The following NR1I3 variants were observed in gnomAD, a reference collection of about 807,000 sequenced individuals.
NR1I3 encodes the protein nuclear receptor subfamily 1 group I member 3.
In NR1I3, 30 loss-of-function variants were observed where a neutral mutation model predicts 38.4. The observed-to-expected ratio is 0.78, with a 90% CI of 0.58 to 1.06. NR1I3 has a LOEUF of 1.06. Among genes scored for constraint, NR1I3 ranks in the 50% least tolerant of loss-of-function variants. NR1I3 has a pLI of 0.00. For missense variants in NR1I3, 388 were observed against 435.7 expected (o/e 0.89, Z 0.97); for synonymous variants, 143 against 165.1 (o/e 0.87, Z 1.03).
intron 3 of NR1I3, 97 bp from the exon 4 acceptor site, chr1:161,233,435 A>G (rs963710011): frequency 2.1e-5 from 28 of 1,322,802 alleles, no homozygotes; most frequent in Non-Finnish European, 2.9e-5. Context: ...GCCCTGCACA[A>G]CGAAGGATGG....
chr1:161,235,260 T>TTTC (rs1668351987), intron 3 of NR1I3: 1 of 15,692 alleles, frequency 6.4e-5, no homozygotes, highest in Non-Finnish European at 1.1e-4. Flanking sequence ...CTTGGTGTTT[T>TTTC]TTTTTTTTTT....
chr1:161,236,726 G>GATTTCT, intron 1 of NR1I3, 128 bp from the exon 2 acceptor site: 1 of 588,916 alleles, frequency 1.7e-6, no homozygotes, highest in Non-Finnish European at 2.8e-6. Context: ...ATCTTTTGTG[G>GATTTCT]TTTTCTTTTT....
At chr1:161,236,643 C>T in intron 1 of NR1I3, 45 bp from the exon 2 acceptor site, 1 of 1,589,710 alleles carries the variant, frequency 6.3e-7, no homozygotes. Flanking sequence ...CCACCCTTGA[C>T]CCTTTTCTGT....
chr1:161,236,440 T>A lies in NR1I3; in HGVS notation c.107+19A>T. 6.2e-7 allele frequency: 1 copy of A among 1,613,802 alleles called. No individual in the cohort carries two copies. The highest frequency in any genetic ancestry group is 8.5e-7 in the Non-Finnish European group (1 of 1,179,846). On this transcript the variant is annotated intron_variant, in intron 2 of 8. Transcript: ENST00000367983. ...AGTTTGGTTTGGAGGGCTATTTCCA[T>A]TGGGGAGGAGACTCTCACCTGAAGA...
At position 161,233,837 on chromosome 1, in the gene NR1I3, A is replaced by ATGTG. The variant is rs761756944; in HGVS notation, c.239-503_239-500dup. The stretch of plus-strand genomic sequence containing the variant: ...CAGGGCTGGTATTCATCATATATAT[A>ATGTG]TGTGTGTGTGTGTGTGTGTGTGTGT... On this transcript the variant is annotated intron_variant, in intron 3 of 8. Transcript: ENST00000367983. 8.2e-3 allele frequency among the ~76,000 whole-genome samples: 970 copies of ATGTG among 118,532 alleles called. 4 individuals carry two copies. Among genetic ancestry groups the ATGTG allele is most frequent in the Middle Eastern group, 0.017 (4 of 242 alleles). 77.8% of individuals were successfully genotyped at this position (118,532 alleles called of 152,430 possible). A position where few individuals can be genotyped will look rare whatever the true frequency, so the allele number is the denominator to read the frequency against.
In NR1I3 at chr1:161,231,381, T is replaced by G. The variant is rs776774308; in HGVS notation, c.642A>C (p.Thr214=). ...GAAGAGGCCCGCAGAGGAAGTTTTG[T>G]GTTTGGAGACAGAAAGTGGTATTGA... ...IVLNTTFCLQ[T]QNFLCGPLRY... is the part of the protein sequence containing the mutation. The change falls in exon 6 of 9, where the codon ACA becomes ACC. Residue 214 remains threonine, a synonymous_variant. Coordinates refer to ENST00000367983, the MANE Select transcript of NR1I3 (RefSeq NM_005122.5). 8.3e-6 allele frequency: 13 copies of G among 1,563,300 alleles called. No individual in the cohort carries two copies. Among genetic ancestry groups the G allele is most frequent in the Non-Finnish European group, 1.1e-5 (13 of 1,158,688 alleles).
rs752198862 is a variant in NR1I3, at chr1:161,235,859, T to C, written c.226A>G (p.Met76Val). The change falls in exon 3 of 9, where the codon ATG (methionine) becomes GTG (valine). Residue 76 changes from methionine to valine, a missense_variant. Transcript: ENST00000367983. ...CRLQKCLDAG[M>V]RKDMILSAEA... ...GGGGCCAACTCACTGTCTTTCCTCA[T>C]GCCAGCATCTAAGCACTTCTGCAAC... 42 of 1,614,062 alleles carry C rather than the reference T, an allele frequency of 2.6e-5. No homozygotes were observed. Among genetic ancestry groups the C allele is most frequent in the Middle Eastern group, 1.6e-4 (1 of 6,078 alleles).
rs759410250 is a variant in NR1I3, at chr1:161,235,929, G to C, written c.156C>G (p.Ser52Arg). Reference sequence around the variant, plus strand: ...GCCTCTGAGTCTTGCTGACTTCACAGCTTCCAGCAAAGGGGCAGGTGGGAC... The same window carrying C: ...GCCTCTGAGTCTTGCTGACTTCACACCTTCCAGCAAAGGGGCAGGTGGGAC... Reference protein sequence around the residue: ...SIGPTCPFAGSCEVSKTQRRH... With the variant: ...SIGPTCPFAGRCEVSKTQRRH... Residue 52 changes from serine to arginine, a missense_variant, in exon 3 of 9, where the codon AGC becomes AGG. Physicochemically the swap from Ser to Arg is moderately radical, Grantham distance 110. Coordinates refer to ENST00000367983, the MANE Select transcript of NR1I3 (RefSeq NM_005122.5). 6.8e-6 allele frequency: 11 copies of C among 1,612,474 alleles called. No individual in the cohort carries two copies. In the South Asian group the frequency reaches 9.9e-5, roughly 15 times the overall value.
intron 1 of NR1I3, 77 bp from the exon 2 acceptor site, chr1:161,236,675 C>T: frequency 7.2e-7 from 1 of 1,396,630 alleles, no homozygotes; most frequent in East Asian, 2.4e-5. Context: ...AGTCTCTTTC[C>T]AAACCAAACC....
chr1:161,235,578 A>G (rs1165619216), intron 3 of NR1I3: 5 of 352,498 alleles, frequency 1.4e-5, no homozygotes, highest in Non-Finnish European at 2.7e-5. Flanking sequence ...TGGTGTTTCT[A>G]AGAATGACAG....
chr1:161,238,145 T>C lies in NR1I3; in HGVS notation c.-138A>G, dbSNP rs538519022. The C allele has an allele frequency of 1.0e-4, 163 of 1,598,382 alleles. No homozygotes were observed. Among genetic ancestry groups the C allele is most frequent in the Admixed American group, 1.3e-4 (8 of 59,686 alleles). Reference sequence around the variant, plus strand: ...GCTGGTTTTCCTCTGATCTCAGGAGTTGCCAGTGATTGGAGTTAGGGATTA... The same window carrying C: ...GCTGGTTTTCCTCTGATCTCAGGAGCTGCCAGTGATTGGAGTTAGGGATTA... On this transcript the variant is annotated 5_prime_UTR_variant, in exon 1 of 9. Transcript: ENST00000367983.
intron 8 of NR1I3, chr1:161,230,522 T>G (rs1237939608): frequency 1.8e-6 from 1 of 545,692 alleles, no homozygotes; most frequent in Admixed American, 3.6e-5. Context: ...AGGTAATGGA[T>G]GTCATCAATC....
chr1:161,236,375 G>C, intron 2 of NR1I3, 84 bp downstream of exon 2: 2 of 1,531,000 alleles, frequency 1.3e-6, no homozygotes, highest in Non-Finnish European at 1.8e-6. Context: ...AGCTGGACAG[G>C]CTTGGGCACC....
chr1:161,232,499 T>C (rs755963641), intron 5 of NR1I3, among the ~76,000 whole-genome samples: 9 of 152,084 alleles, frequency 5.9e-5, no homozygotes, highest in Admixed American at 1.3e-4. Flanking sequence ...GGTTTTGTCA[T>C]GTTGCTGAGG....
Position 161,231,139 on chromosome 1 carries a change from A to C in NR1I3, c.789T>G (p.Ala263=). The stretch of plus-strand genomic sequence containing the variant: ...CACCAGGAGAGAAGAGGGCCATGGC[A>C]GCCAAGAGCACATACTCAGGCTCTT... The part of the protein sequence containing the change: ...QLQEPEYVLL[A]AMALFSPDRP... Residue 263 remains alanine, a synonymous_variant, in exon 7 of 9, where the codon GCT becomes GCG. Coordinates refer to ENST00000367983, the MANE Select transcript of NR1I3 (RefSeq NM_005122.5). 6.2e-7 allele frequency: 1 copy of C among 1,614,188 alleles called. No individual in the cohort carries two copies. The highest frequency in any genetic ancestry group is 8.5e-7 in the Non-Finnish European group (1 of 1,180,032).
chr1:161,231,231 C>T lies in NR1I3; in HGVS notation c.697G>A (p.Gly233Arg), dbSNP rs1327178617. 6.2e-7 allele frequency: 1 copy of T among 1,614,086 alleles called. No homozygotes were observed. Among genetic ancestry groups the T allele is most frequent in the African/African-American group, 1.3e-5 (1 of 75,000 alleles). ...RYTIEDGARV[G>R]FQVEFLELLF... ...AACTCCAAAAACTCTACCTGGAACC[C>T]CACTGTGGGAGATACTAGGATTAGG... The change falls in exon 7 of 9, where the codon GGG becomes AGG. Residue 233 changes from glycine (G) to arginine (R), a missense_variant and splice_region_variant. Physicochemically the swap from Gly to Arg is moderately radical, Grantham distance 125. Transcript: ENST00000367983.
rs536368934 is a variant in NR1I3 at position 161,236,275 on chromosome 1, G to A, written c.107+184C>T. 241 of 729,700 alleles carry A rather than the reference G, an allele frequency of 3.3e-4. 1 individual carries two copies. In the Admixed American group the frequency reaches 6.9e-3, roughly 21 times the overall value. The allele number at this position is 729,700 out of a possible 1,614,324, so 45.2% of individuals were successfully genotyped here. A position where few individuals can be genotyped will look rare whatever the true frequency, so the allele number is the denominator to read the frequency against. On this transcript the variant is annotated intron_variant, in intron 2 of 8. Coordinates refer to ENST00000367983, the MANE Select transcript of NR1I3 (RefSeq NM_005122.5). ...CAGACAAACATTCAGCTTTCCCTCT[G>A]TTATGCCACCAGTTTATACAGTGAT...
intron 1 of NR1I3, among the ~76,000 whole-genome samples, chr1:161,237,354 G>A (rs61801111): frequency 0.29 from 44,125 of 150,954 alleles, 6,533 homozygotes; most frequent in East Asian, 0.33. Context: ...TAAGGTGCCC[G>A]CCACCATGCC....
rs1278227206 is a variant in NR1I3, at chr1:161,232,801, A to G, written c.548+6T>C. On this transcript the variant is annotated splice_donor_region_variant and intron_variant, in intron 5 of 8. Transcript: ENST00000367983. Reference sequence around the variant, plus strand: ...GCCTCCTGAAAGATGAGGGGAGGTCACTCACCGGAAGACGGGCAGGTCCTT... The same window carrying G: ...GCCTCCTGAAAGATGAGGGGAGGTCGCTCACCGGAAGACGGGCAGGTCCTT... 1.1e-5 allele frequency: 17 copies of G among 1,613,998 alleles called. No individual in the cohort carries two copies. In the East Asian group the frequency reaches 3.8e-4, roughly 36 times the overall value.
Sources: gnomAD v4.1 joint callset for allele counts (sites outside exome capture counted in the v4.1 genomes callset) on GRCh38, gnomAD v4.1.1 for gene constraint, MANE v1.5 for transcripts, NCBI Gene and HGNC (gene_info 2026-07-23, HGNC 2026-07-21) for gene names.